Variants in PLIN2 observed in about 807,000 individuals in gnomAD.
The protein encoded by PLIN2 is perilipin-2.
In PLIN2, 33 loss-of-function variants were observed where a neutral mutation model predicts 30.6. The observed-to-expected ratio is 1.08, with a 90% CI of 0.82 to 1.44. The LOEUF is 1.44. Ranked by LOEUF, PLIN2 falls within the 40% of genes most tolerant of loss-of-function variation. PLIN2 has a pLI of 0.00. For synonymous variants in PLIN2, 205 were observed against 201.1 expected (o/e 1.02, Z -0.16); for missense variants, 610 against 531.8 (o/e 1.15, Z -1.45).
intron 4 of PLIN2, among the ~76,000 whole-genome samples, chr9:19,122,767 C>T (rs376008188): frequency 1.3e-5 from 2 of 152,034 alleles, no homozygotes; most frequent in South Asian, 2.1e-4. Flanking sequence ...GAACTGTGCA[C>T]GTGCATGCTC....
chr9:19,120,248 G>A (rs1334836996), intron 5 of PLIN2, among the ~76,000 whole-genome samples: 4 of 151,748 alleles, frequency 2.6e-5, no homozygotes, highest in African/African-American at 9.7e-5. Context: ...TTAGGGTTTC[G>A]CCATGTTGCC....
At chr9:19,126,494 C>A in intron 1 of PLIN2, 46 bp from the exon 2 acceptor site, 1 of 1,242,680 alleles carries the variant, frequency 8.0e-7, no homozygotes. Flanking sequence ...AAGACTCTCC[C>A]AAATTCATTC....
At chr9:19,116,715 G>A in intron 7 of PLIN2, 66 bp from the exon 8 acceptor site, 3 of 1,394,434 alleles carry the variant, frequency 2.2e-6, no homozygotes, top group Non-Finnish European at 3.0e-6. Context: ...TTCGATGACA[G>A]TAGGCTGGTT....
At chr9:19,110,676 A>G (rs889697688) in intron 2 of PLIN2, among the ~76,000 whole-genome samples, 3 of 152,046 alleles carry the variant, frequency 2.0e-5, no homozygotes, top group Admixed American at 1.3e-4. Flanking sequence ...GGATTTCACC[A>G]TGTTGGCAAG....
At chr9:19,120,115 G>A (rs1818291805) in intron 5 of PLIN2, among the ~76,000 whole-genome samples, 1 of 151,374 alleles carries the variant, frequency 6.6e-6, no homozygotes. Context: ...CTGGAGTACA[G>A]TGGCACAATT....
At chr9:19,111,235 G>C (rs941377907), downstream of PLIN2, among the ~76,000 whole-genome samples, 2 of 152,186 alleles carry the variant, frequency 1.3e-5, no homozygotes, top group Non-Finnish European at 2.9e-5. Context: ...CTTTAGTAAA[G>C]ACGAGGTTTC....
rs756703138 is a variant in PLIN2, at chr9:19,126,463, CTT to C, written c.-22-17_-22-16del. The C allele has an allele frequency of 1.5e-5, 23 of 1,532,876 alleles. No individual in the cohort carries two copies. The highest frequency in any genetic ancestry group is 2.0e-5 in the Non-Finnish European group (22 of 1,108,070). 95.0% of individuals were successfully genotyped at this position (1,532,876 alleles called of 1,614,324 possible). A position where few individuals can be genotyped will look rare whatever the true frequency, so the allele number is the denominator to read the frequency against. On this transcript the variant is annotated splice_polypyrimidine_tract_variant and intron_variant, in intron 1 of 7. Transcript: ENST00000276914. ...GAGAAAGAAATCTGCAGAAAAGAGA[CTT>C]ATTTCAGAACACCGGGATAAGACTC...
intron 1 of PLIN2, 70 bp from the exon 2 acceptor site, chr9:19,126,518 A>T: frequency 1.0e-6 from 1 of 985,618 alleles, no homozygotes; most frequent in Non-Finnish European, 1.6e-6. Context: ...AACCCAAGCA[A>T]ATGCTGATTA....
chr9:19,112,033 C>T (rs976751742), downstream of PLIN2, among the ~76,000 whole-genome samples: 2 of 152,152 alleles, frequency 1.3e-5, no homozygotes, highest in Non-Finnish European at 1.5e-5. Context: ...CAGATGATGT[C>T]CCCATGCCTC....
chr9:19,119,852 C>CA (rs750118279), intron 5 of PLIN2, 21 bp from the exon 6 acceptor site: 7 of 1,521,094 alleles, frequency 4.6e-6, no homozygotes, highest in East Asian at 2.3e-5. Flanking sequence ...AAATAAGAGA[C>CA]AAAAAAACTT....
Position 19,126,134 on chromosome 9 carries a change from A to G in PLIN2, c.206T>C (p.Ile69Thr), listed in dbSNP as rs537861405. The part of the protein sequence containing the change: ...SVAMTSALPI[I>T]QKLEPQIAVA... Reference sequence around the variant, plus strand: ...CTCACTTTGCGGCTCTAGCTTCTGGATGATGGGCAGAGCACTGGTCATGGC... The same window carrying G: ...CTCACTTTGCGGCTCTAGCTTCTGGGTGATGGGCAGAGCACTGGTCATGGC... The change falls in exon 3 of 8, where the codon ATC (isoleucine) becomes ACC (threonine). Residue 69 changes from isoleucine (I) to threonine (T), a missense_variant. Transcript: ENST00000276914. 8.1e-6 allele frequency: 13 copies of G among 1,613,936 alleles called. No individual in the cohort carries two copies. The East Asian group carries it at 2.7e-4, about 33-fold the overall frequency.
Position 19,116,245 on chromosome 9 carries a change from G to C in PLIN2, c.*3C>G, listed in dbSNP as rs369478285. 5.1e-6 allele frequency: 8 copies of C among 1,574,480 alleles called. No individual in the cohort carries two copies. Among genetic ancestry groups the C allele is most frequent in the Admixed American group, 3.6e-5 (2 of 55,982 alleles). ...ACAGCATGCACTAGTGATAGGGGCA[G>C]GTTTAATGAGTTTTATGCTCAGATC... On this transcript the variant is annotated 3_prime_UTR_variant, in exon 8 of 8. Coordinates refer to ENST00000276914, the MANE Select transcript of PLIN2 (RefSeq NM_001122.4).
chr9:19,112,547 A>C (rs1818171339), downstream of PLIN2, among the ~76,000 whole-genome samples: 1 of 151,978 alleles, frequency 6.6e-6, no homozygotes, highest in African/African-American at 2.4e-5. Flanking sequence ...CATCTTTACA[A>C]AAATACAAAA....
At position 19,115,975 on chromosome 9, in the gene PLIN2, G is replaced by A. The variant is rs1818215100; in HGVS notation, c.*273C>T. 6.6e-6 allele frequency: 2 copies of A among 303,116 alleles called. No homozygotes were observed. The highest frequency in any genetic ancestry group is 1.2e-5 in the Non-Finnish European group (2 of 164,450). 18.8% of individuals were successfully genotyped at this position (303,116 alleles called of 1,614,324 possible). On this transcript the variant is annotated 3_prime_UTR_variant, in exon 8 of 8. Transcript: ENST00000276914. ...AAACAGTAACAGAGGCAACACAATG[G>A]CCATAGAATGAGAACATAAGTGCAT...
At chr9:19,126,496 A>G (rs558943812) in intron 1 of PLIN2, 48 bp from the exon 2 acceptor site, 277 of 1,231,050 alleles carry the variant, frequency 2.3e-4, no homozygotes, top group African/African-American at 1.7e-3. Context: ...GACTCTCCCA[A>G]ATTCATTCCC....
chr9:19,114,232 A>G (rs72698310), downstream of PLIN2, among the ~76,000 whole-genome samples: 6,066 of 151,606 alleles, frequency 0.04, 180 homozygotes, highest in Non-Finnish European at 0.057. Flanking sequence ...AACTTTAATA[A>G]ACTCACTCAC....
In PLIN2 at chr9:19,117,067, G is replaced by A. The variant is rs144434605; in HGVS notation, c.913-418C>T. On this transcript the variant is annotated intron_variant, in intron 7 of 7. Transcript: ENST00000276914. ...GACTTCAGAGCTTTTGGGACACAAA[G>A]AACCACTTTCTAGGACTATAAGAGG... Among the ~76,000 whole-genome samples the A allele has an allele frequency of 4.1e-3, 626 of 152,224 alleles. 3 individuals are homozygous for A. The highest frequency in any genetic ancestry group is 0.014 in the African/African-American group (602 of 41,550).
At chr9:19,120,721 C>T (rs189508306) in intron 5 of PLIN2, among the ~76,000 whole-genome samples, 159 bp downstream of exon 5, 1 of 152,224 alleles carries the variant, frequency 6.6e-6, no homozygotes, top group Admixed American at 6.5e-5. Context: ...TGCAAACAGG[C>T]ATGAGGATCT....
Position 19,126,443 on chromosome 9 carries a change from A to G in PLIN2, c.-17T>C. ...GGATGCCATTTTTCTTCCTGGAGAA[A>G]GAAATCTGCAGAAAAGAGACTTATT... On this transcript the variant is annotated 5_prime_UTR_variant, in exon 2 of 8. Transcript: ENST00000276914. 6.3e-7 allele frequency: 1 copy of G among 1,595,656 alleles called. No homozygotes were observed. The highest frequency in any genetic ancestry group is 8.6e-7 in the Non-Finnish European group (1 of 1,164,222).
Sources: allele counts gnomAD v4.1 joint callset (sites outside exome capture counted in the v4.1 genomes callset), GRCh38; gene constraint gnomAD v4.1.1; transcripts MANE v1.5; gene names NCBI Gene and HGNC (gene_info 2026-07-23, HGNC 2026-07-21).